The following CLVS1 variants were observed in gnomAD, a reference collection of about 807,000 sequenced individuals.
The protein encoded by CLVS1 is clavesin-1.
A neutral mutation model predicts 33.1 loss-of-function variants in CLVS1; 10 were observed. The ratio of observed to expected loss-of-function variants is 0.30; its 90% confidence interval spans 0.19 to 0.51. The LOEUF is 0.51. Ranked by LOEUF, CLVS1 falls within the 20% of genes least tolerant of loss-of-function variation. The pLI is 0.97. For synonymous variants in CLVS1, 163 were observed against 166.1 expected (o/e 0.98, Z 0.14); for missense variants, 343 against 433.4 (o/e 0.79, Z 1.85).
intron 5 of CLVS1, among the ~76,000 whole-genome samples, chr8:61,479,194 T>G (rs1287447394): frequency 6.6e-6 from 1 of 152,226 alleles, no homozygotes; most frequent in Non-Finnish European, 1.5e-5. Flanking sequence ...TTGGTTCCAT[T>G]CTCTCCATCA....
intron 2 of CLVS1, among the ~76,000 whole-genome samples, chr8:61,374,742 A>G: frequency 6.6e-6 from 1 of 152,222 alleles, no homozygotes; most frequent in Non-Finnish European, 1.5e-5. Context: ...GGTTAAAGTT[A>G]CAATTTTTTT....
intron 1 of CLVS1, among the ~76,000 whole-genome samples, chr8:61,124,244 T>G (rs961501341): frequency 6.6e-6 from 1 of 152,128 alleles, no homozygotes; most frequent in Non-Finnish European, 1.5e-5. Flanking sequence ...CGAGTCGAAT[T>G]AAAGCGAGGA....
At chr8:60,985,728 G>T in the CLVS1 span, among the ~76,000 whole-genome samples, 8 of 151,442 alleles carry the variant, frequency 5.3e-5, no homozygotes, top group African/African-American at 1.9e-4. Flanking sequence ...CTCATGCAGG[G>T]ATATCATTTT....
chr8:61,319,870 C>A (rs1015298909), intron 2 of CLVS1, among the ~76,000 whole-genome samples: 3 of 152,114 alleles, frequency 2.0e-5, no homozygotes, highest in African/African-American at 4.8e-5. Context: ...CTCAAACATA[C>A]AATCATATCA....
chr8:61,168,240 T>A (rs528583570), intron 2 of CLVS1, among the ~76,000 whole-genome samples: 1 of 152,342 alleles, frequency 6.6e-6, no homozygotes, highest in African/African-American at 2.4e-5. Flanking sequence ...TTCTTCTTCA[T>A]TGAGCCAAGT....
chr8:61,379,921 C>T (rs1005153287), intron 3 of CLVS1, among the ~76,000 whole-genome samples: 1 of 152,144 alleles, frequency 6.6e-6, no homozygotes, highest in Non-Finnish European at 1.5e-5. Flanking sequence ...TAAACTTGGG[C>T]AAAGTGGTTC....
At chr8:61,342,108 A>G (rs1231683554) in intron 2 of CLVS1, among the ~76,000 whole-genome samples, 2 of 152,226 alleles carry the variant, frequency 1.3e-5, no homozygotes, top group African/African-American at 4.8e-5. Flanking sequence ...CACATGTGGT[A>G]AAGCGGGTGA....
At chr8:61,496,354 G>A (rs1804263861) in intron 5 of CLVS1, among the ~76,000 whole-genome samples, 1 of 152,204 alleles carries the variant, frequency 6.6e-6, no homozygotes, top group African/African-American at 2.4e-5. Flanking sequence ...GCTGGAGGGA[G>A]GTTGGCCTGT....
In CLVS1 at chr8:61,410,019, A is replaced by AC. The variant is rs1188924563; in HGVS notation, c.630+33240_630+33241insC. On this transcript the variant is annotated intron_variant, in intron 3 of 5. Transcript: ENST00000325897. Reference sequence around the variant, plus strand: ...ATTCACTTTTTGTGCTATGAATTGCAAATGTTTCTCAATTTTCTTTCATTT... The same window carrying AC: ...ATTCACTTTTTGTGCTATGAATTGCACAATGTTTCTCAATTTTCTTTCATTT... Among the ~76,000 whole-genome samples the AC allele has an allele frequency of 8.5e-4, 126 of 148,800 alleles. 1 individual carries two copies. The highest frequency in any genetic ancestry group is 3.5e-3 in the Middle Eastern group (1 of 282).
chr8:61,066,802 G>T (rs1365121604), intron 1 of CLVS1, among the ~76,000 whole-genome samples: 1 of 152,192 alleles, frequency 6.6e-6, no homozygotes, highest in Admixed American at 6.5e-5. Context: ...AAGTGTCCAC[G>T]CAGTGGTATC....
chr8:61,405,327 A>G (rs564889475), intron 3 of CLVS1, among the ~76,000 whole-genome samples: 121 of 152,284 alleles, frequency 7.9e-4, no homozygotes, highest in African/African-American at 2.8e-3. Flanking sequence ...TCATTCTTTC[A>G]CATTGAAATG....
chr8:60,992,458 G>T, the CLVS1 span, among the ~76,000 whole-genome samples: 1 of 152,194 alleles, frequency 6.6e-6, no homozygotes, highest in Non-Finnish European at 1.5e-5. Flanking sequence ...AAAGACTGCT[G>T]GAATGATCAG....
chr8:61,395,678 G>T (rs1194624980), intron 3 of CLVS1, among the ~76,000 whole-genome samples: 1 of 152,108 alleles, frequency 6.6e-6, no homozygotes, highest in Non-Finnish European at 1.5e-5. Flanking sequence ...TTGGGGTGGG[G>T]TCTAAGAGTC....
rs369173461 is a variant in CLVS1 at position 61,085,722 on chromosome 8, C to A, written c.-243+28492C>A. 4.3e-3 allele frequency among the ~76,000 whole-genome samples: 607 copies of A among 141,004 alleles called. 7 individuals are homozygous for A. The highest frequency in any genetic ancestry group is 0.017 in the African/African-American group (573 of 33,662). The allele number at this position is 141,004 out of a possible 152,430, so 92.5% of individuals were successfully genotyped here. On this transcript the variant is annotated intron_variant, in intron 1 of 2. Coordinates refer to the CLVS1 transcript ENST00000522621. ...CCTGGCCAAAATGGTGAAACCCCAT[C>A]CCTACCAAAAAAAAAAAAAAAGGGC...
intron 1 of CLVS1, among the ~76,000 whole-genome samples, chr8:61,064,949 C>T (rs181989353): frequency 3.2e-4 from 49 of 152,338 alleles, no homozygotes; most frequent in Non-Finnish European, 5.4e-4. Flanking sequence ...GTGATCCGCA[C>T]GCCTTGGCCT....
rs1484419389 is a variant in CLVS1, at chr8:61,179,039, G to A, written c.-152+47179G>A. Among the ~76,000 whole-genome samples, 5 of 152,164 alleles carry A rather than the reference G, an allele frequency of 3.3e-5. No homozygotes were observed. In the East Asian group the frequency reaches 9.6e-4, roughly 29 times the overall value. On this transcript the variant is annotated intron_variant, in intron 2 of 2. Coordinates refer to the CLVS1 transcript ENST00000522621. The stretch of plus-strand genomic sequence containing the variant: ...AATAGGCTAAATGCTCCAATTAAAA[G>A]AGAAAGACTGGCAAATTGGATAAAG...
chr8:61,479,695 T>C (rs575694653), intron 5 of CLVS1, among the ~76,000 whole-genome samples: 7 of 152,202 alleles, frequency 4.6e-5, no homozygotes, highest in Non-Finnish European at 8.8e-5. Flanking sequence ...TGCTCTGTTT[T>C]TTCCCCATCT....
At chr8:61,124,482 GTTTT>G (rs1177025832) in intron 1 of CLVS1, among the ~76,000 whole-genome samples, 3 of 152,030 alleles carry the variant, frequency 2.0e-5, no homozygotes. Flanking sequence ...GCTGATCAAT[GTTTT>G]TTTTATTTTT....
chr8:61,161,617 G>A (rs893591042), intron 2 of CLVS1, among the ~76,000 whole-genome samples: 25 of 152,312 alleles, frequency 1.6e-4, no homozygotes, highest in African/African-American at 6.0e-4. Context: ...TAGAAGCAGA[G>A]AGGAGAATGG....
Sources: allele counts gnomAD v4.1 joint callset (sites outside exome capture counted in the v4.1 genomes callset), GRCh38; gene constraint gnomAD v4.1.1; transcripts MANE v1.5; gene names NCBI Gene and HGNC (gene_info 2026-07-23, HGNC 2026-07-21).